The following LPXN variants were observed in gnomAD, a reference collection of about 807,000 sequenced individuals.
LPXN encodes leupaxin.
A neutral mutation model predicts 45.6 loss-of-function variants in LPXN; 28 were observed. The observed-to-expected ratio is 0.61, with a 90% CI of 0.45 to 0.84. The LOEUF (loss-of-function observed/expected upper bound fraction) is 0.84, where lower values mean the gene tolerates loss of function less well. LPXN is among the 40% of genes least tolerant of loss of function. LPXN has a pLI of 0.00. For synonymous variants in LPXN, 166 were observed against 169.9 expected, an observed-to-expected ratio of 0.98 and a Z score of 0.18; for missense variants, 459 against 475.0, an observed-to-expected ratio of 0.97 and a Z score of 0.31.
In LPXN at chr11:58,570,713, T is replaced by A; in HGVS notation, c.14A>T (p.Asp5Val). ...GCGTTCCAGTTCCTCCAATAAGGCA[T>A]CTACACCATAAGAAGCAAGAGAATC... is the stretch of plus-strand genomic sequence containing the variant. MEEL[D>V]ALLEELERST... Residue 5 changes from aspartate to valine, a missense_variant and splice_region_variant, in exon 2 of 9, where the codon GAT becomes GTT. Physicochemically the swap from Asp to Val is radical, Grantham distance 152. Transcript: ENST00000395074. The A allele has an allele frequency of 6.2e-7, 1 of 1,606,364 alleles. No homozygotes were observed. The highest frequency in any genetic ancestry group is 8.5e-7 in the Non-Finnish European group (1 of 1,175,244).
chr11:58,545,236 G>T (rs2120285103), intron 7 of LPXN, among the ~76,000 whole-genome samples: 1 of 152,152 alleles, frequency 6.6e-6, no homozygotes, highest in East Asian at 1.9e-4. Context: ...GAAGGGGCCT[G>T]AGTCAAGAAA....
At chr11:58,554,964 C>T (rs1367887476) in intron 3 of LPXN, 24 bp from the exon 4 acceptor site, 2 of 1,468,714 alleles carry the variant, frequency 1.4e-6, no homozygotes, top group Admixed American at 1.7e-5. Context: ...ACAAAAAAGT[C>T]ATATGAACAA....
intron 1 of LPXN, among the ~76,000 whole-genome samples, chr11:58,571,948 T>G (rs1854716134): frequency 6.6e-6 from 1 of 152,208 alleles, no homozygotes; most frequent in Non-Finnish European, 1.5e-5. Flanking sequence ...GAAGTTCCAG[T>G]CTCCTGTCTT....
chr11:58,531,271 G>A (rs139965560), intron 7 of LPXN, among the ~76,000 whole-genome samples: 1,655 of 152,128 alleles, frequency 0.011, 38 homozygotes, highest in African/African-American at 0.038. Flanking sequence ...TTATAAAGGA[G>A]CATGTTCTAA....
intron 1 of LPXN, among the ~76,000 whole-genome samples, chr11:58,575,241 T>C (rs138529879): frequency 5.6e-4 from 85 of 152,372 alleles, no homozygotes; most frequent in African/African-American, 2.0e-3. Context: ...TAGAGTGCTA[T>C]GCCTTCTTGA....
chr11:58,570,458 A>G lies in LPXN; in HGVS notation c.171+98T>C, dbSNP rs993376410. The G allele has an allele frequency of 5.7e-5, 52 of 905,980 alleles. 1 individual carries two copies. The East Asian group carries it at 1.2e-3, about 21-fold the overall frequency. 56.1% of individuals were successfully genotyped at this position (905,980 alleles called of 1,614,324 possible). A position where few individuals can be genotyped will look rare whatever the true frequency, so the allele number is the denominator to read the frequency against. The stretch of plus-strand genomic sequence containing the variant: ...ATTATTTTTTCTCTTTCTTGGATAT[A>G]TTATTCTCCTTTCATATTATTTTAT... On this transcript the variant is annotated intron_variant, in intron 2 of 8. Transcript: ENST00000395074.
chr11:58,558,717 A>G (rs1006644700), intron 3 of LPXN, among the ~76,000 whole-genome samples: 1 of 151,982 alleles, frequency 6.6e-6, no homozygotes, highest in African/African-American at 2.4e-5. Flanking sequence ...GACTCAAAGA[A>G]TAACAACCTA....
rs748833528 is a variant in LPXN at position 58,527,596 on chromosome 11, C to A, written c.1019G>T (p.Cys340Phe). ...GAACTTGTACCCCATGGCACTGATA[C>A]AACGGCCAGTGATGGGCTGCCCACA... ...HGCGQPITGR[C>F]ISAMGYKFHP... The change falls in exon 9 of 9, where the codon TGT becomes TTT. Residue 340 changes from cysteine (C) to phenylalanine (F), a missense_variant. Physicochemically the swap from Cys to Phe is radical, Grantham distance 205. Coordinates refer to ENST00000395074, the MANE Select transcript of LPXN (RefSeq NM_004811.3). 2 of 1,614,198 alleles carry A rather than the reference C, an allele frequency of 1.2e-6. No homozygotes were observed. Among genetic ancestry groups the A allele is most frequent in the East Asian group, 2.2e-5 (1 of 44,884 alleles).
In LPXN at chr11:58,551,149, A is replaced by G; in HGVS notation, c.402T>C (p.Gly134=). Residue 134 remains glycine, a synonymous_variant, in exon 5 of 9, where the codon GGT becomes GGC. Coordinates refer to ENST00000395074, the MANE Select transcript of LPXN (RefSeq NM_004811.3). ...HKASLDSMLG[G]LEQELQDLGI... is the part of the protein sequence containing the mutation. ...CAAGGTCCTGCAATTCCTGCTCCAG[A>G]CCCCCAAGCATTGAGTCCAGGGAGG... 6.2e-7 allele frequency: 1 copy of G among 1,610,848 alleles called. No homozygotes were observed. Among genetic ancestry groups the G allele is most frequent in the East Asian group, 2.3e-5 (1 of 44,352 alleles).
chr11:58,533,800 T>C (rs965007752), intron 7 of LPXN, among the ~76,000 whole-genome samples: 4 of 151,100 alleles, frequency 2.6e-5, no homozygotes, highest in African/African-American at 9.8e-5. Flanking sequence ...AAGACACACA[T>C]AGGCTCAAAA....
At chr11:58,540,734 A>C (rs1853690821) in intron 7 of LPXN, among the ~76,000 whole-genome samples, 1 of 152,222 alleles carries the variant, frequency 6.6e-6, no homozygotes, top group Non-Finnish European at 1.5e-5. Context: ...TTTCACTGTT[A>C]AGACACATAT....
At chr11:58,569,162 A>C (rs1854605768) in intron 2 of LPXN, among the ~76,000 whole-genome samples, 1 of 152,206 alleles carries the variant, frequency 6.6e-6, no homozygotes, top group South Asian at 2.1e-4. Flanking sequence ...TGGCTATTTC[A>C]TACAGGGAAC....
chr11:58,559,227 A>G (rs1163839565), intron 3 of LPXN, among the ~76,000 whole-genome samples: 2 of 152,120 alleles, frequency 1.3e-5, no homozygotes, highest in African/African-American at 2.4e-5. Context: ...ATATACACAT[A>G]CACATTTATA....
chr11:58,574,786 C>T (rs1158701918), intron 1 of LPXN, among the ~76,000 whole-genome samples: 1 of 152,138 alleles, frequency 6.6e-6, no homozygotes, highest in African/African-American at 2.4e-5. Flanking sequence ...TCTCTTGCCT[C>T]CTGGTAATTT....
rs760358193 is a variant in LPXN at position 58,527,677 on chromosome 11, C to T, written c.938G>A (p.Gly313Glu). ...FSTGSFFELD[G>E]RPFCELHYHH... Reference sequence around the variant, plus strand: ...GTAATGGAGCTCACAGAATGGACGTCCATCCAGTTCAAAGAAGGAGCCAGT... The same window carrying T: ...GTAATGGAGCTCACAGAATGGACGTTCATCCAGTTCAAAGAAGGAGCCAGT... Residue 313 changes from glycine (G) to glutamate (E), a missense_variant, in exon 9 of 9, where the codon GGA (glycine) becomes GAA (glutamate). Coordinates refer to ENST00000395074, the MANE Select transcript of LPXN (RefSeq NM_004811.3). 21 of 1,613,940 alleles carry T rather than the reference C, an allele frequency of 1.3e-5. No individual in the cohort carries two copies. Among genetic ancestry groups the T allele is most frequent in the South Asian group, 9.9e-5 (9 of 91,080 alleles).
intron 2 of LPXN, among the ~76,000 whole-genome samples, chr11:58,567,262 C>A (rs1854552668): frequency 6.6e-6 from 1 of 152,108 alleles, no homozygotes; most frequent in African/African-American, 2.4e-5. Flanking sequence ...CAATGTTGAG[C>A]TTTTCAACTA....
chr11:58,535,273 T>G (rs1853515968), intron 7 of LPXN, among the ~76,000 whole-genome samples: 1 of 152,162 alleles, frequency 6.6e-6, no homozygotes, highest in Admixed American at 6.5e-5. Context: ...AAATCCTCGA[T>G]AAAATATTGG....
intron 8 of LPXN, 40 bp from the exon 9 acceptor site, chr11:58,527,763 C>G: frequency 6.3e-7 from 1 of 1,587,866 alleles, no homozygotes; most frequent in South Asian, 1.1e-5. Flanking sequence ...ATGCAAATGT[C>G]AAGAGGTAAA....
chr11:58,535,127 T>C (rs1853510965), intron 7 of LPXN, among the ~76,000 whole-genome samples: 1 of 152,100 alleles, frequency 6.6e-6, no homozygotes, highest in East Asian at 1.9e-4. Flanking sequence ...CTGAAATTAT[T>C]CCAAACAATA....
Sources: allele counts gnomAD v4.1 joint callset (sites outside exome capture counted in the v4.1 genomes callset), GRCh38; gene constraint gnomAD v4.1.1; transcripts MANE v1.5; gene names NCBI Gene and HGNC (gene_info 2026-07-23, HGNC 2026-07-21).